XPO4: variants seen among roughly 807,000 people sequenced by gnomAD.
XPO4 encodes exportin 4, also known as exportin-4.
In XPO4, 39 loss-of-function variants were observed where a neutral mutation model predicts 143.0. The ratio of observed to expected loss-of-function variants is 0.27; its 90% CI spans 0.21 to 0.36. The LOEUF is 0.36. XPO4 is among the 10% of genes least tolerant of loss of function. The pLI is 1.00. For synonymous variants in XPO4, 439 were observed against 474.0 expected, an observed-to-expected ratio of 0.93 and a Z score of 0.96; for missense variants, 907 against 1,348.0, an observed-to-expected ratio of 0.67 and a Z score of 5.12.
At chr13:20,897,412 T>C (rs9509427) in intron 1 of XPO4, among the ~76,000 whole-genome samples, 74,473 of 151,962 alleles carry the variant, frequency 0.49, 18,917 homozygotes, top group Middle Eastern at 0.58. Flanking sequence ...TAGAAAACTC[T>C]AATCTATTTT....
At chr13:20,831,621 T>C (rs1017412588) in intron 6 of XPO4, among the ~76,000 whole-genome samples, 17 of 152,118 alleles carry the variant, frequency 1.1e-4, no homozygotes, top group African/African-American at 4.1e-4. Context: ...TATATTTTTA[T>C]CAGAATAATT....
rs553463044 is a variant in XPO4 at position 20,779,861 on chromosome 13, A to C, written c.*3861T>G. The C allele has an allele frequency of 1.7e-4, 26 of 152,736 alleles. No individual in the cohort carries two copies. Among genetic ancestry groups the C allele is most frequent in the African/African-American group, 6.0e-4 (25 of 41,548 alleles). 9.5% of individuals were successfully genotyped at this position (152,736 alleles called of 1,614,324 possible). A position where few individuals can be genotyped will look rare whatever the true frequency, so the allele number is the denominator to read the frequency against. ...TAAATGAAAATATGCTTAAAATTCA[A>C]CTGGAACCATGGCATTTCACATCAA... On this transcript the variant is annotated 3_prime_UTR_variant, in exon 23 of 23. Coordinates refer to ENST00000255305, the MANE Select transcript of XPO4 (RefSeq NM_022459.5).
rs1477526064 is a variant in XPO4 at position 20,778,740 on chromosome 13, AT to A, written c.*4981del. ...ATGTCTTCATTTTTTTAAATTTAAA[AT>A]TATTTTAGGACCGTGTAATGTCCCC... On this transcript the variant is annotated 3_prime_UTR_variant, in exon 23 of 23. Coordinates refer to ENST00000255305, the MANE Select transcript of XPO4 (RefSeq NM_022459.5). 1 of 152,174 alleles carries A rather than the reference AT, an allele frequency of 6.6e-6. No homozygotes were observed. Among genetic ancestry groups the A allele is most frequent in the African/African-American group, 2.4e-5 (1 of 41,452 alleles). 9.4% of individuals were successfully genotyped at this position (152,174 alleles called of 1,614,324 possible).
At chr13:20,790,966 T>A (rs1479874756) in intron 18 of XPO4, among the ~76,000 whole-genome samples, 1 of 152,202 alleles carries the variant, frequency 6.6e-6, no homozygotes, top group Non-Finnish European at 1.5e-5. Context: ...TATAGAAATA[T>A]CCATTTGATT....
chr13:20,885,032 C>T (rs903483650), intron 1 of XPO4, among the ~76,000 whole-genome samples: 5 of 152,078 alleles, frequency 3.3e-5, no homozygotes, highest in Admixed American at 6.6e-5. Flanking sequence ...GGTGCAATCT[C>T]GGCTCACTGC....
In XPO4 at chr13:20,800,959, C is replaced by T. The variant is rs377137674; in HGVS notation, c.1849G>A (p.Val617Ile). Residue 617 changes from valine (V) to isoleucine (I), a missense_variant, in exon 14 of 23, where the codon GTT becomes ATT. Transcript: ENST00000255305. ...TCTGCTCTTATTGCTCGAGATTCAA[C>T]TTCTGAAACTCTGAGAATGGCAGAC... Reference protein sequence around the residue: ...LLSAILRVSEVESRAIRADLT... With the variant: ...LLSAILRVSEIESRAIRADLT... The T allele has an allele frequency of 1.3e-4, 209 of 1,613,786 alleles. No homozygotes were observed. Among genetic ancestry groups the T allele is most frequent in the Non-Finnish European group, 1.7e-4 (204 of 1,179,956 alleles).
intron 1 of XPO4, among the ~76,000 whole-genome samples, chr13:20,890,541 G>A (rs941046567): frequency 6.6e-6 from 1 of 152,052 alleles, no homozygotes; most frequent in African/African-American, 2.4e-5. Flanking sequence ...GCTCATGCTT[G>A]TAATCCCAGC....
At chr13:20,853,586 T>C (rs531950473) in intron 4 of XPO4, among the ~76,000 whole-genome samples, 1 of 152,230 alleles carries the variant, frequency 6.6e-6, no homozygotes, top group Non-Finnish European at 1.5e-5. Context: ...AAAATCAAAA[T>C]GACTTATAGA....
chr13:20,851,806 T>C (rs2060092951), intron 4 of XPO4: 1 of 985,362 alleles, frequency 1.0e-6, no homozygotes, highest in Middle Eastern at 5.2e-4. Context: ...ATATTACATT[T>C]ATCCACTATT....
chr13:20,879,245 A>G (rs905037220), intron 1 of XPO4: 1 of 985,258 alleles, frequency 1.0e-6, no homozygotes, highest in African/African-American at 1.7e-5. Flanking sequence ...TGGGATCCTC[A>G]GCGCAAGGGT....
At chr13:20,806,306 T>G (rs2137876236) in intron 13 of XPO4, among the ~76,000 whole-genome samples, 1 of 152,262 alleles carries the variant, frequency 6.6e-6, no homozygotes, top group Non-Finnish European at 1.5e-5. Context: ...AGCTTAATAT[T>G]TCAACTATTT....
At chr13:20,888,047 C>T (rs1231823763) in intron 1 of XPO4, among the ~76,000 whole-genome samples, 2 of 151,266 alleles carry the variant, frequency 1.3e-5, no homozygotes, top group African/African-American at 2.4e-5. Context: ...TGGTAGTGTA[C>T]GCCTGTAATC....
chr13:20,873,868 A>G (rs1452358569), intron 1 of XPO4, among the ~76,000 whole-genome samples: 1 of 152,182 alleles, frequency 6.6e-6, no homozygotes, highest in Non-Finnish European at 1.5e-5. Flanking sequence ...CTTTTTTACT[A>G]CTATTAACAA....
intron 13 of XPO4, among the ~76,000 whole-genome samples, chr13:20,802,949 T>C (rs758878140): frequency 6.6e-6 from 1 of 152,186 alleles, no homozygotes; most frequent in Non-Finnish European, 1.5e-5. Context: ...ATGCATCTCT[T>C]AATGTGATTA....
At chr13:20,857,613 A>C (rs947643755) in intron 3 of XPO4, among the ~76,000 whole-genome samples, 1 of 151,678 alleles carries the variant, frequency 6.6e-6, no homozygotes, top group Non-Finnish European at 1.5e-5. Context: ...TGTAGTCCCA[A>C]CTACTCGGGA....
intron 9 of XPO4, among the ~76,000 whole-genome samples, chr13:20,817,888 C>T (rs935708542): frequency 6.6e-6 from 1 of 152,082 alleles, no homozygotes; most frequent in Non-Finnish European, 1.5e-5. Flanking sequence ...CTCTGCCTCC[C>T]GGGTTCAAGT....
At chr13:20,851,436 C>A in intron 4 of XPO4, 1 of 985,096 alleles carries the variant, frequency 1.0e-6, no homozygotes, top group Non-Finnish European at 1.2e-6. Context: ...GACTTTAGGC[C>A]AGGCATGGTT....
chr13:20,825,901 C>G (rs1207593102), intron 7 of XPO4, among the ~76,000 whole-genome samples: 2 of 151,942 alleles, frequency 1.3e-5, no homozygotes, highest in African/African-American at 4.8e-5. Context: ...GATAGATAAC[C>G]TTGTTCTAGA....
chr13:20,821,846 A>C lies in XPO4; in HGVS notation c.1031T>G (p.Ile344Ser). 1 of 1,613,970 alleles carries C rather than the reference A, an allele frequency of 6.2e-7. No homozygotes were observed. Residue 344 changes from isoleucine (I) to serine (S), a missense_variant, in exon 9 of 23, where the codon ATC becomes AGC. Physicochemically the swap from Ile to Ser is moderately radical, Grantham distance 142. Transcript: ENST00000255305. Reference sequence around the variant, plus strand: ...TATCAGGTTGCTGATAATGCTGGAGATCCCCACAGCTTCAGAATCTTCTAT... The same window carrying C: ...TATCAGGTTGCTGATAATGCTGGAGCTCCCCACAGCTTCAGAATCTTCTAT... Reference protein sequence around the residue: ...IEIEDSEAVGISSIISNLITV... With the variant: ...IEIEDSEAVGSSSIISNLITV...
Sources: gnomAD v4.1 joint callset for allele counts (sites outside exome capture counted in the v4.1 genomes callset) on GRCh38, gnomAD v4.1.1 for gene constraint, MANE v1.5 for transcripts, NCBI Gene and HGNC (gene_info 2026-07-23, HGNC 2026-07-21) for gene names.